Variants in VPS13A observed in about 807,000 individuals in gnomAD.
VPS13A encodes vacuolar protein sorting 13 homolog A.
Under a neutral mutation model 390.9 loss-of-function variants are expected in VPS13A, and 264 were observed. The ratio of observed to expected loss-of-function variants is 0.68; its 90% CI spans 0.61 to 0.75. VPS13A has a LOEUF of 0.75. Among genes scored for constraint, VPS13A ranks in the 30% least tolerant of loss-of-function variants. The pLI is 0.00. For synonymous variants in VPS13A, 1,231 were observed against 1,227.1 expected (o/e 1.00, Z -0.07); for missense variants, 3,409 against 3,733.9 (o/e 0.91, Z 2.27).
Position 77,190,480 on chromosome 9 carries a change from A to G in VPS13A, c.101-9465A>G, listed in dbSNP as rs1269206302. 3.9e-5 allele frequency among the ~76,000 whole-genome samples: 6 copies of G among 152,180 alleles called. No homozygotes were observed. In the East Asian group the frequency reaches 1.2e-3, roughly 29 times the overall value. On this transcript the variant is annotated intron_variant, in intron 1 of 71. Coordinates refer to ENST00000360280, the MANE Select transcript of VPS13A (RefSeq NM_033305.3). ...GATGTGCTGCTGGATTTGGTTTACC[A>G]TTTTGTTGAAGATTTTTGCATTTAT...
intron 33 of VPS13A, among the ~76,000 whole-genome samples, chr9:77,302,367 C>CTTTTTTTTTTTT (rs750574896): frequency 2.2e-5 from 3 of 136,044 alleles, no homozygotes; most frequent in Non-Finnish European, 3.1e-5. Context: ...ATATTTTTCC[C>CTTTTTTTTTTTT]CTTTTTTTTT....
chr9:77,276,332 CA>C, intron 26 of VPS13A, 111 bp downstream of exon 26: 1 of 1,009,188 alleles, frequency 9.9e-7, no homozygotes, highest in Non-Finnish European at 1.4e-6. Flanking sequence ...GAAATATTCT[CA>C]GAGAACCATT....
At chr9:77,302,776 T>A in intron 33 of VPS13A, 139 bp from the exon 34 acceptor site, 1 of 888,868 alleles carries the variant, frequency 1.1e-6, no homozygotes, top group Non-Finnish European at 1.7e-6. Flanking sequence ...AAAAAAAGTC[T>A]GATAGATATT....
At chr9:77,371,586 A>G (rs923986697) in intron 67 of VPS13A, among the ~76,000 whole-genome samples, 10 of 152,086 alleles carry the variant, frequency 6.6e-5, no homozygotes, top group Non-Finnish European at 1.2e-4. Flanking sequence ...GGAGGGACAC[A>G]TTCAAACCAT....
In VPS13A at chr9:77,209,513, A is replaced by G. The variant is rs1438494383; in HGVS notation, c.476A>G (p.His159Arg). Residue 159 changes from histidine to arginine, a missense_variant, in exon 6 of 72, where the codon CAT (histidine) becomes CGT (arginine). By Grantham distance (29) the His-to-Arg change is conservative. Transcript: ENST00000360280. ...KNLQVKISSIHIRYEDDITNR... is the reference protein window; with the variant it reads ...KNLQVKISSIRIRYEDDITNR... ...CTTCAGGTGAAAATTTCCAGTATCC[A>G]TATTCGTTATGAAGATGATGTAAGT... is the stretch of plus-strand genomic sequence containing the variant. 1.3e-6 allele frequency: 2 copies of G among 1,594,068 alleles called. No homozygotes were observed. Among genetic ancestry groups the G allele is most frequent in the Non-Finnish European group, 8.6e-7 (1 of 1,163,028 alleles).
In VPS13A at chr9:77,319,669, T is replaced by G; in HGVS notation, c.5411T>G (p.Ile1804Ser). ...GATTTTAGACCATGGAATCTTGGTATCAAGGTATATCTATATATGTCTATG... is the reference window on the plus strand; with the variant it reads ...GATTTTAGACCATGGAATCTTGGTAGCAAGGTATATCTATATATGTCTATG... ...TEDFRPWNLG[I>S]KMKKKAKMAI... Residue 1804 changes from isoleucine (I) to serine (S), a missense_variant, in exon 42 of 72, where the codon ATC (isoleucine) becomes AGC (serine). By Grantham distance (142) the Ile-to-Ser change is moderately radical (BLOSUM62 -2). Around this residue, in one of 5 missense-constraint regions of VPS13A, gnomAD observed 2,717 missense variants for 2,917.4 expected, o/e 0.93. Transcript: ENST00000360280. 1 of 1,550,420 alleles carries G rather than the reference T, an allele frequency of 6.4e-7. No individual in the cohort carries two copies. Among genetic ancestry groups the G allele is most frequent in the Non-Finnish European group, 8.9e-7 (1 of 1,123,682 alleles).
At position 77,416,175 on chromosome 9, in the gene VPS13A, A is replaced by T. The variant is rs1391891567; in HGVS notation, c.*169A>T. The T allele has an allele frequency of 4.1e-6, 3 of 736,034 alleles. No individual in the cohort carries two copies. In the African/African-American group the frequency reaches 5.3e-5, roughly 13 times the overall value. The allele number at this position is 736,034 out of a possible 1,614,324, so 45.6% of individuals were successfully genotyped here. On this transcript the variant is annotated 3_prime_UTR_variant, in exon 72 of 72. Coordinates refer to ENST00000360280, the MANE Select transcript of VPS13A (RefSeq NM_033305.3). ...ACAAAAACAAAAAAACAAAACCAGA[A>T]TCAGGTAAAACAGCTATGTGATTAA...
intron 7 of VPS13A, among the ~76,000 whole-genome samples, chr9:77,210,879 A>G (rs185406547): frequency 2.0e-5 from 3 of 152,306 alleles, no homozygotes; most frequent in East Asian, 1.9e-4. Context: ...ATGAGGTCCT[A>G]TTATTATTGG....
Position 77,407,550 on chromosome 9 carries a change from A to G in VPS13A, c.9417A>G (p.Val3139=), listed in dbSNP as rs747076197. 6.2e-7 allele frequency: 1 copy of G among 1,612,866 alleles called. No individual in the cohort carries two copies. The highest frequency in any genetic ancestry group is 8.5e-7 in the Non-Finnish European group (1 of 1,179,118). Residue 3139 remains valine, a synonymous_variant, in exon 71 of 72, where the codon GTA becomes GTG. Coordinates refer to ENST00000360280, the MANE Select transcript of VPS13A (RefSeq NM_033305.3). ...GTTTATAGGAACGAGTGAAGTCTGT[A>G]TTTCATGCCAGAGAGTTTGGAAAAA... ...RIEAKERVKS[V]FHAREFGKII...
chr9:77,315,642 A>T (rs560712527), intron 38 of VPS13A, among the ~76,000 whole-genome samples, 172 bp downstream of exon 38: 1 of 152,050 alleles, frequency 6.6e-6, no homozygotes, highest in East Asian at 1.9e-4. Context: ...TATAGTTTGC[A>T]TTTTTTAAAG....
intron 52 of VPS13A, among the ~76,000 whole-genome samples, chr9:77,348,451 C>T (rs948864345): frequency 6.6e-6 from 1 of 152,094 alleles, no homozygotes; most frequent in Admixed American, 6.6e-5. Context: ...ACAACGCACA[C>T]TGGGGCCTGT....
rs1013732923 is a variant in VPS13A at position 77,282,377 on chromosome 9, G to A, written c.3118+103G>A. 5.4e-6 allele frequency: 6 copies of A among 1,103,130 alleles called. No homozygotes were observed. The African/African-American group carries it at 8.0e-5, about 15-fold the overall frequency. 68.3% of individuals were successfully genotyped at this position (1,103,130 alleles called of 1,614,324 possible). On this transcript the variant is annotated intron_variant, in intron 29 of 71. Coordinates refer to ENST00000360280, the MANE Select transcript of VPS13A (RefSeq NM_033305.3). ...TTATTAACTTCAAATATTGGCTTCA[G>A]AATTCTGTTGCCTAGGTTAATATCT...
At chr9:77,245,224 G>T (rs1824738175) in intron 19 of VPS13A, among the ~76,000 whole-genome samples, 1 of 152,180 alleles carries the variant, frequency 6.6e-6, no homozygotes, top group Non-Finnish European at 1.5e-5. Flanking sequence ...CTGGTATCAA[G>T]AAAGGCTTTG....
At chr9:77,363,087 A>G (rs1563960396) in intron 59 of VPS13A, among the ~76,000 whole-genome samples, 1 of 152,078 alleles carries the variant, frequency 6.6e-6, no homozygotes, top group Non-Finnish European at 1.5e-5. Context: ...TCTGATCTGA[A>G]TGCCTTTGTT....
At chr9:77,264,891 G>A (rs1437071776) in intron 23 of VPS13A, among the ~76,000 whole-genome samples, 1 of 152,212 alleles carries the variant, frequency 6.6e-6, no homozygotes, top group Non-Finnish European at 1.5e-5. Context: ...CAAAGGGAAT[G>A]CTTCCAGTTT....
intron 1 of VPS13A, among the ~76,000 whole-genome samples, chr9:77,195,786 T>TTTTTA (rs1824965047): frequency 6.8e-6 from 1 of 146,752 alleles, no homozygotes; most frequent in Non-Finnish European, 1.6e-5. Context: ...TTTTATTTTT[T>TTTTTA]TTCCATTCTC....
intron 22 of VPS13A, among the ~76,000 whole-genome samples, chr9:77,254,102 C>CCT (rs1323971771): frequency 1.3e-5 from 2 of 151,768 alleles, no homozygotes; most frequent in Non-Finnish European, 2.9e-5. Flanking sequence ...CGCCACCACG[C>CCT]CTGGCTAATT....
At chr9:77,336,802 C>CTTTTTTTTTTTTT (rs1221241397) in intron 46 of VPS13A, among the ~76,000 whole-genome samples, 4 of 107,988 alleles carry the variant, frequency 3.7e-5, no homozygotes, top group Non-Finnish European at 5.5e-5. Flanking sequence ...ATTTATCTAT[C>CTTTTTTTTTTTTT]TTTTTTTTTT....
rs1171391243 is a variant in VPS13A, at chr9:77,418,430, C to T, written c.*2424C>T. 6.6e-6 allele frequency: 1 copy of T among 152,212 alleles called. No homozygotes were observed. The highest frequency in any genetic ancestry group is 6.5e-5 in the Admixed American group (1 of 15,272). 9.4% of individuals were successfully genotyped at this position (152,212 alleles called of 1,614,324 possible). ...AGAAAATCATAATCAGAAAGAGTGA[C>T]TTTGATTTCTGGTACTTGTGATCAA... On this transcript the variant is annotated 3_prime_UTR_variant, in exon 72 of 72. Transcript: ENST00000360280.
Sources: gnomAD v4.1 joint callset for allele counts (sites outside exome capture counted in the v4.1 genomes callset) on GRCh38, gnomAD v4.1.1 for gene constraint, gnomAD v4.1.1 regional missense constraint, MANE v1.5 for transcripts, NCBI Gene and HGNC (gene_info 2026-07-23, HGNC 2026-07-21) for gene names.